Variants in UNC5B observed in about 807,000 individuals in gnomAD.
The protein encoded by UNC5B is netrin receptor UNC5B.
Under a neutral mutation model 103.7 loss-of-function variants are expected in UNC5B, and 56 were observed. The ratio of observed to expected loss-of-function variants is 0.54; its 90% CI spans 0.44 to 0.67. The LOEUF is 0.67. UNC5B is among the 30% of genes least tolerant of loss of function. UNC5B has a pLI of 0.00. For synonymous variants in UNC5B, 577 were observed against 542.0 expected, an observed-to-expected ratio of 1.06 and a Z score of -0.90; for missense variants, 1,194 against 1,284.5, an observed-to-expected ratio of 0.93 and a Z score of 1.08.
chr10:71,233,168 A>G (rs539195697), intron 1 of UNC5B, among the ~76,000 whole-genome samples: 33 of 152,260 alleles, frequency 2.2e-4, no homozygotes, highest in Admixed American at 1.3e-3. Context: ...TCAGACCTCA[A>G]TTTTCCCAAA....
intron 1 of UNC5B, among the ~76,000 whole-genome samples, chr10:71,222,262 T>C (rs1843467854): frequency 6.6e-6 from 1 of 152,182 alleles, no homozygotes; most frequent in Non-Finnish European, 1.5e-5. Flanking sequence ...TACATTCAGC[T>C]TCTGACTCGT....
intron 5 of UNC5B, among the ~76,000 whole-genome samples, chr10:71,287,256 CAG>C (rs1564509939): frequency 6.6e-6 from 1 of 152,170 alleles, no homozygotes; most frequent in Non-Finnish European, 1.5e-5. Context: ...GGTGACTTGA[CAG>C]AGTTTTAGAA....
intron 1 of UNC5B, among the ~76,000 whole-genome samples, chr10:71,243,852 A>G (rs1843963180): frequency 6.6e-6 from 1 of 152,242 alleles, no homozygotes; most frequent in Non-Finnish European, 1.5e-5. Context: ...ACCAAATACC[A>G]GGCACTGCGT....
intron 1 of UNC5B, among the ~76,000 whole-genome samples, chr10:71,238,228 C>G (rs1016792516): frequency 6.6e-6 from 1 of 152,108 alleles, no homozygotes; most frequent in Non-Finnish European, 1.5e-5. Context: ...AGGGGTTGCT[C>G]GAAGACCTCA....
chr10:71,215,710 C>T (rs187289656), intron 1 of UNC5B, among the ~76,000 whole-genome samples: 1 of 152,202 alleles, frequency 6.6e-6, no homozygotes. Context: ...CTTTCCATGG[C>T]CTCTGGCTGG....
chr10:71,260,187 T>C (rs1373549101), intron 1 of UNC5B, among the ~76,000 whole-genome samples: 2 of 152,226 alleles, frequency 1.3e-5, no homozygotes, highest in Admixed American at 6.5e-5. Context: ...GCCAGCTGTC[T>C]CCAGCCTGAG....
At position 71,291,739 on chromosome 10, in the gene UNC5B, C is replaced by G; in HGVS notation, c.1602C>G (p.Leu534=). 1.9e-6 allele frequency: 3 copies of G among 1,611,464 alleles called. No individual in the cohort carries two copies. Among genetic ancestry groups the G allele is most frequent in the Non-Finnish European group, 2.5e-6 (3 of 1,179,934 alleles). Residue 534 remains leucine (L), a synonymous_variant, in exon 10 of 17, where the codon CTC becomes CTG. Transcript: ENST00000335350. ...GCGCCAGCCTCGGTTCCCAGCAGCT[C>G]TTGGGCCTGCCCCGAGACCCAGGGA... ...LRSASLGSQQ[L]LGLPRDPGSS... is the part of the protein sequence containing the mutation.
chr10:71,235,980 A>T (rs918986143), intron 1 of UNC5B, among the ~76,000 whole-genome samples: 1 of 152,090 alleles, frequency 6.6e-6, no homozygotes, highest in Non-Finnish European at 1.5e-5. Context: ...TCAGGTCCAC[A>T]CTCTGCCACT....
chr10:71,270,502 C>G (rs1024046937), intron 1 of UNC5B, among the ~76,000 whole-genome samples: 1 of 152,136 alleles, frequency 6.6e-6, no homozygotes. Flanking sequence ...GGCAGGGTTT[C>G]TCTCTTATGA....
rs1053469223 is a variant in UNC5B at position 71,301,458 on chromosome 10, G to A, written c.*2181G>A. 2.0e-5 allele frequency: 3 copies of A among 152,374 alleles called. No individual in the cohort carries two copies. The highest frequency in any genetic ancestry group is 3.9e-4 in the East Asian group (2 of 5,178). The allele number at this position is 152,374 out of a possible 1,614,324, so 9.4% of individuals were successfully genotyped here. A position where few individuals can be genotyped will look rare whatever the true frequency, so the allele number is the denominator to read the frequency against. ...CCCGGAGGCTGAGACTAAGGCTTTC[G>A]ACCCTGGTGCCTCCATGTGGATGCT... On this transcript the variant is annotated 3_prime_UTR_variant, in exon 17 of 17. Coordinates refer to ENST00000335350, the MANE Select transcript of UNC5B (RefSeq NM_170744.5).
intron 4 of UNC5B, 33 bp from the exon 5 acceptor site, chr10:71,286,656 G>C: frequency 6.2e-7 from 1 of 1,612,020 alleles, no homozygotes; most frequent in Non-Finnish European, 8.5e-7. Flanking sequence ...CCTGTCCTGG[G>C]CCCTCACTGC....
intron 1 of UNC5B, among the ~76,000 whole-genome samples, chr10:71,244,996 G>A (rs570441400): frequency 5.3e-4 from 81 of 152,330 alleles, no homozygotes; most frequent in African/African-American, 1.8e-3. Context: ...TTTTGGACAG[G>A]CCACTAAATA....
At chr10:71,224,494 A>C (rs1843522728) in intron 1 of UNC5B, among the ~76,000 whole-genome samples, 1 of 152,172 alleles carries the variant, frequency 6.6e-6, no homozygotes, top group South Asian at 2.1e-4. Flanking sequence ...GAAATAAAAA[A>C]CTGGATTCTA....
chr10:71,260,069 G>A (rs546544781), intron 1 of UNC5B, among the ~76,000 whole-genome samples: 2 of 152,318 alleles, frequency 1.3e-5, no homozygotes, highest in South Asian at 2.1e-4. Context: ...GGTAGGGGGG[G>A]CATGAAGCAT....
chr10:71,280,069 G>C, intron 2 of UNC5B, 24 bp downstream of exon 2: 1 of 1,611,362 alleles, frequency 6.2e-7, no homozygotes, highest in Non-Finnish European at 8.5e-7. Context: ...ACTTGCCTGG[G>C]CACCCCAGGA....
chr10:71,213,129 G>GTT lies in UNC5B; in HGVS notation c.79+66_79+67dup. The GTT allele has an allele frequency of 8.4e-7, 1 of 1,185,358 alleles. No individual in the cohort carries two copies. Among genetic ancestry groups the GTT allele is most frequent in the Non-Finnish European group, 1.1e-6 (1 of 938,098 alleles). The allele number at this position is 1,185,358 out of a possible 1,614,324, so 73.4% of individuals were successfully genotyped here. A position where few individuals can be genotyped will look rare whatever the true frequency, so the allele number is the denominator to read the frequency against. On this transcript the variant is annotated intron_variant, in intron 1 of 16. Coordinates refer to ENST00000335350, the MANE Select transcript of UNC5B (RefSeq NM_170744.5). The surrounding 1 kb of genome is among the most constrained non-coding windows in gnomAD (Gnocchi z 4.1). ...CCCTTGCGCCTCACTCTGTCCTGAA[G>GTT]TTGAGGTGGTCTTTCGTCGCATCGA... is the stretch of plus-strand genomic sequence containing the variant.
At chr10:71,278,766 G>T (rs1331274395) in intron 1 of UNC5B, among the ~76,000 whole-genome samples, 1 of 152,262 alleles carries the variant, frequency 6.6e-6, no homozygotes, top group Non-Finnish European at 1.5e-5. Flanking sequence ...GAGGGGCTGG[G>T]CGGCCATGCG....
chr10:71,221,332 C>A (rs562420991), intron 1 of UNC5B, among the ~76,000 whole-genome samples: 2 of 152,366 alleles, frequency 1.3e-5, no homozygotes, highest in South Asian at 2.1e-4. Flanking sequence ...GGTCCCCCCC[C>A]TTGTCACCCA....
At chr10:71,296,242 C>G (rs1433896295) in intron 14 of UNC5B, among the ~76,000 whole-genome samples, 1 of 152,224 alleles carries the variant, frequency 6.6e-6, no homozygotes, top group Non-Finnish European at 1.5e-5. Context: ...GCTCCTCACC[C>G]TTCAGGGCAT....
Sources: gnomAD v4.1 joint callset for allele counts (sites outside exome capture counted in the v4.1 genomes callset) on GRCh38, gnomAD v4.1.1 for gene constraint, Gnocchi (gnomAD v3.1) non-coding constraint, MANE v1.5 for transcripts, NCBI Gene and HGNC (gene_info 2026-07-23, HGNC 2026-07-21) for gene names.